ARFGEF1: variants seen among roughly 807,000 people sequenced by gnomAD.
The protein encoded by ARFGEF1 is ARF guanine nucleotide exchange factor 1.
A neutral mutation model predicts 231.0 loss-of-function variants in ARFGEF1; 42 were observed. The observed-to-expected ratio is 0.18, with a 90% confidence interval of 0.14 to 0.24. The LOEUF is 0.24. Among genes scored for constraint, ARFGEF1 ranks in the 10% least tolerant of loss-of-function variants. The pLI, the probability that ARFGEF1 is intolerant of heterozygous loss-of-function variation, is 1.00. For synonymous variants in ARFGEF1, 710 were observed against 732.3 expected (o/e 0.97, Z 0.49); for missense variants, 1,345 against 2,192.0 (o/e 0.61, Z 7.72).
intron 38 of ARFGEF1, chr8:67,199,324 T>C (rs1838229528): frequency 4.6e-6 from 2 of 433,848 alleles, no homozygotes; most frequent in Non-Finnish European, 7.9e-6. Context: ...CATTTGTCTG[T>C]ATATCTTTGA....
intron 33 of ARFGEF1, among the ~76,000 whole-genome samples, chr8:67,214,136 T>A (rs1838843764): frequency 6.6e-6 from 1 of 152,164 alleles, no homozygotes; most frequent in South Asian, 2.1e-4. Flanking sequence ...CACAAGGAAG[T>A]GCAATGTGTG....
At chr8:67,306,512 T>A (rs1329158183) in intron 1 of ARFGEF1, among the ~76,000 whole-genome samples, 1 of 152,150 alleles carries the variant, frequency 6.6e-6, no homozygotes, top group African/African-American at 2.4e-5. Flanking sequence ...ATATTAAACA[T>A]CTCCCCTCAT....
intron 9 of ARFGEF1, among the ~76,000 whole-genome samples, chr8:67,274,609 T>C (rs1403930586): frequency 1.3e-5 from 2 of 152,104 alleles, no homozygotes; most frequent in Non-Finnish European, 2.9e-5. Context: ...TCCTCAAAAT[T>C]CATATTATTT....
Position 67,291,793 on chromosome 8 carries a change from T to C in ARFGEF1, c.916+54A>G, listed in dbSNP as rs895608292. On this transcript the variant is annotated intron_variant, in intron 6 of 38. Transcript: ENST00000262215. ...CAACATTTCTTCATCAAAACTCTCATTCCTACACATTTCCCTTAACACACA... is the reference window on the plus strand; with the variant it reads ...CAACATTTCTTCATCAAAACTCTCACTCCTACACATTTCCCTTAACACACA... The C allele has an allele frequency of 3.2e-6, 5 of 1,570,428 alleles. No homozygotes were observed. In the African/African-American group the frequency reaches 6.8e-5, roughly 21 times the overall value.
At chr8:67,248,864 T>C (rs1422215145) in intron 19 of ARFGEF1, among the ~76,000 whole-genome samples, 1 of 150,620 alleles carries the variant, frequency 6.6e-6, no homozygotes, top group Non-Finnish European at 1.5e-5. Context: ...AGTCTACAGA[T>C]TGTTTCATGA....
At chr8:67,294,383 T>C (rs935889323) in intron 5 of ARFGEF1, among the ~76,000 whole-genome samples, 5 of 152,112 alleles carry the variant, frequency 3.3e-5, no homozygotes, top group Non-Finnish European at 7.4e-5. Flanking sequence ...AGGAATAGCA[T>C]TACCCTATTG....
intron 17 of ARFGEF1, among the ~76,000 whole-genome samples, chr8:67,257,356 C>T (rs1244134985): frequency 6.6e-6 from 1 of 152,176 alleles, no homozygotes; most frequent in Non-Finnish European, 1.5e-5. Context: ...GCTGGGATTA[C>T]AGGCGTTAGG....
chr8:67,312,261 C>G (rs1234665444), intron 1 of ARFGEF1, among the ~76,000 whole-genome samples: 1 of 140,336 alleles, frequency 7.1e-6, no homozygotes, highest in Non-Finnish European at 1.6e-5. Flanking sequence ...AAAAAAAAAA[C>G]AACACACACC....
At chr8:67,317,565 C>T (rs1353311596) in intron 1 of ARFGEF1, among the ~76,000 whole-genome samples, 1 of 149,096 alleles carries the variant, frequency 6.7e-6, no homozygotes, top group African/African-American at 2.5e-5. Context: ...GAATTAAATA[C>T]CATGACCCAC....
At chr8:67,176,846 C>T (rs796145984) in intron 5 of ARFGEF1, among the ~76,000 whole-genome samples, 1 of 151,926 alleles carries the variant, frequency 6.6e-6, no homozygotes, top group Non-Finnish European at 1.5e-5. Context: ...CTGAAGTGGG[C>T]GGATCATGAG....
chr8:67,326,586 T>C (rs76183819), intron 1 of ARFGEF1, among the ~76,000 whole-genome samples: 2,307 of 152,276 alleles, frequency 0.015, 63 homozygotes, highest in African/African-American at 0.053. Context: ...ACCAATTAGG[T>C]TCTCTCAAAA....
intron 4 of ARFGEF1, among the ~76,000 whole-genome samples, chr8:67,297,139 T>A (rs1263842719): frequency 5.3e-5 from 8 of 152,190 alleles, no homozygotes; most frequent in Non-Finnish European, 1.2e-4. Flanking sequence ...CCACATAATC[T>A]GAAAACCATT....
Position 67,292,028 on chromosome 8 carries a change from T to G in ARFGEF1, c.735A>C (p.Gln245His). The change falls in exon 6 of 39, where the codon CAA becomes CAC. Residue 245 changes from glutamine (Q) to histidine (H), a missense_variant. Physicochemically the swap from Gln to His is conservative, Grantham distance 24. Coordinates refer to ENST00000262215, the MANE Select transcript of ARFGEF1 (RefSeq NM_006421.5). ...CAGTCTGAGGTGGCAAATATCTAAG[T>G]TGAGGTGATTCAGGCTCGTGATGGC... ...PVSHHEPESP[Q>H]LRYLPPQTVD... is the part of the protein sequence containing the mutation. The G allele has an allele frequency of 6.2e-7, 1 of 1,613,984 alleles. No homozygotes were observed. The highest frequency in any genetic ancestry group is 8.5e-7 in the Non-Finnish European group (1 of 1,179,916).
At chr8:67,191,911 A>G (rs1426893455) in intron 5 of ARFGEF1, among the ~76,000 whole-genome samples, 1 of 152,028 alleles carries the variant, frequency 6.6e-6, no homozygotes, top group Non-Finnish European at 1.5e-5. Context: ...GCCATCACTT[A>G]GTGTCTTTTG....
intron 1 of ARFGEF1, among the ~76,000 whole-genome samples, chr8:67,335,172 C>T (rs1808285685): frequency 7.0e-6 from 1 of 142,338 alleles, no homozygotes; most frequent in Non-Finnish European, 1.5e-5. Context: ...GTGGCGCAAT[C>T]TCGGCTCACT....
chr8:67,243,592 C>A (rs533242199), intron 19 of ARFGEF1, among the ~76,000 whole-genome samples: 1 of 152,324 alleles, frequency 6.6e-6, no homozygotes, highest in African/African-American at 2.4e-5. Flanking sequence ...TATAGCCAAA[C>A]CGTATCATCA....
At chr8:67,236,133 AAAACAAACAAAC>A (rs146783955) in intron 22 of ARFGEF1, among the ~76,000 whole-genome samples, 2 of 150,274 alleles carry the variant, frequency 1.3e-5, no homozygotes, top group African/African-American at 2.5e-5. Flanking sequence ...TGTCTCTACT[AAAACAAACAAAC>A]AAACAAACAA....
intron 30 of ARFGEF1, 48 bp downstream of exon 30, chr8:67,219,383 G>T: frequency 6.3e-7 from 1 of 1,575,086 alleles, no homozygotes. Flanking sequence ...ATAATACTGA[G>T]AATCTTTTAA....
At chr8:67,329,805 C>T (rs1808017807) in intron 1 of ARFGEF1, among the ~76,000 whole-genome samples, 1 of 151,624 alleles carries the variant, frequency 6.6e-6, no homozygotes, top group Non-Finnish European at 1.5e-5. Context: ...ATATATCTTA[C>T]ACAGAACAGC....
Sources: allele counts gnomAD v4.1 joint callset (sites outside exome capture counted in the v4.1 genomes callset), GRCh38; gene constraint gnomAD v4.1.1; transcripts MANE v1.5; gene names NCBI Gene and HGNC (gene_info 2026-07-23, HGNC 2026-07-21).